PPARGC1A: variants seen among roughly 807,000 people sequenced by gnomAD.
PPARGC1A encodes the protein PPARG coactivator 1 alpha, also known as peroxisome proliferator-activated receptor gamma coactivator 1-alpha.
In PPARGC1A, 25 loss-of-function variants were observed where a neutral mutation model predicts 88.7. The observed-to-expected ratio is 0.28, with a 90% CI of 0.21 to 0.39. The LOEUF is 0.39. Among genes scored for constraint, PPARGC1A ranks in the 10% least tolerant of loss-of-function variants. The pLI is 1.00. For synonymous variants in PPARGC1A, 363 were observed against 355.6 expected, an observed-to-expected ratio of 1.02 and a Z score of -0.24; for missense variants, 880 against 968.7, an observed-to-expected ratio of 0.91 and a Z score of 1.22.
chr4:24,111,110 G>C, the PPARGC1A span, among the ~76,000 whole-genome samples: 1 of 152,084 alleles, frequency 6.6e-6, no homozygotes, highest in East Asian at 1.9e-4. Flanking sequence ...CATTGCCCTA[G>C]GGAGATTATT....
chr4:24,277,923 C>G, the PPARGC1A span, among the ~76,000 whole-genome samples: 3 of 152,012 alleles, frequency 2.0e-5, no homozygotes, highest in African/African-American at 7.2e-5. Context: ...ACCCGTAACC[C>G]CAGGGCTTTG....
At chr4:24,357,314 C>T in the PPARGC1A span, among the ~76,000 whole-genome samples, 1 of 152,230 alleles carries the variant, frequency 6.6e-6, no homozygotes, top group Non-Finnish European at 1.5e-5. Context: ...AGATGACCAA[C>T]AAATGGCACA....
At chr4:24,382,152 C>G in the PPARGC1A span, among the ~76,000 whole-genome samples, 1 of 110,826 alleles carries the variant, frequency 9.0e-6, no homozygotes, top group Non-Finnish European at 1.9e-5. Flanking sequence ...TAGAGAAAAC[C>G]TAAAAATTCA....
At chr4:24,055,799 A>T in the PPARGC1A span, among the ~76,000 whole-genome samples, 4 of 152,114 alleles carry the variant, frequency 2.6e-5, no homozygotes, top group African/African-American at 9.7e-5. Flanking sequence ...CAGGTAGGAA[A>T]GCATTGCTGT....
At chr4:24,029,901 G>A in the PPARGC1A span, among the ~76,000 whole-genome samples, 1 of 152,254 alleles carries the variant, frequency 6.6e-6, no homozygotes, top group South Asian at 2.1e-4. Context: ...AATTTGGGGG[G>A]ATGGCATATG....
the PPARGC1A span, among the ~76,000 whole-genome samples, chr4:24,413,240 A>ATTTT: frequency 0.069 from 9,665 of 140,976 alleles, 664 homozygotes; most frequent in African/African-American, 0.17. Flanking sequence ...GCCTGGCTTC[A>ATTTT]TTTTTTTTTT....
At chr4:23,831,488 C>T in intron 3 of PPARGC1A, 69 bp downstream of exon 3, 1 of 1,397,066 alleles carries the variant, frequency 7.2e-7, no homozygotes, top group South Asian at 1.2e-5. Context: ...ATTGTGACTA[C>T]ATCATACCCA....
At chr4:23,890,769 C>G (rs796935451), upstream of PPARGC1A, among the ~76,000 whole-genome samples, 1 of 151,918 alleles carries the variant, frequency 6.6e-6, no homozygotes, top group Non-Finnish European at 1.5e-5. Flanking sequence ...ATAAGGAGAA[C>G]AAGCCACAAA....
chr4:23,856,122 A>T (rs1469876236), intron 2 of PPARGC1A, among the ~76,000 whole-genome samples: 1 of 152,200 alleles, frequency 6.6e-6, no homozygotes. Flanking sequence ...CAAAGCTTGT[A>T]TATCTCCTAT....
At chr4:23,825,951 A>T (rs1723855154) in intron 5 of PPARGC1A, among the ~76,000 whole-genome samples, 1 of 152,216 alleles carries the variant, frequency 6.6e-6, no homozygotes, top group South Asian at 2.1e-4. Context: ...AATAATTAGG[A>T]TAATTCATAC....
At chr4:24,081,023 A>T in the PPARGC1A span, among the ~76,000 whole-genome samples, 2 of 152,116 alleles carry the variant, frequency 1.3e-5, no homozygotes, top group Non-Finnish European at 2.9e-5. Flanking sequence ...GAACATAGAC[A>T]TGAAGAGAAC....
chr4:24,048,052 C>T, the PPARGC1A span, among the ~76,000 whole-genome samples: 2 of 152,286 alleles, frequency 1.3e-5, no homozygotes, highest in African/African-American at 4.8e-5. Context: ...ATGAATGTCA[C>T]TCATGTTACA....
intron 7 of PPARGC1A, among the ~76,000 whole-genome samples, chr4:23,818,839 CTTTTTTTTTTTTTT>C (rs762478316): frequency 4.1e-5 from 2 of 49,004 alleles, no homozygotes; most frequent in South Asian, 1.1e-3. Context: ...CCAATGGCAT[CTTTTTTTTTTTTTT>C]TTTTTTTTTT....
chr4:24,252,336 A>G, the PPARGC1A span, among the ~76,000 whole-genome samples: 45 of 152,242 alleles, frequency 3.0e-4, no homozygotes, highest in South Asian at 6.2e-4. Context: ...GAGTTTAGGA[A>G]CCACGGCCTT....
the PPARGC1A span, among the ~76,000 whole-genome samples, chr4:23,945,715 A>G: frequency 6.6e-6 from 1 of 152,198 alleles, no homozygotes; most frequent in Non-Finnish European, 1.5e-5. Flanking sequence ...CCTGCCTTAT[A>G]GATCTGTCCA....
chr4:24,096,771 C>T, the PPARGC1A span, among the ~76,000 whole-genome samples: 1 of 152,098 alleles, frequency 6.6e-6, no homozygotes, highest in African/African-American at 2.4e-5. Flanking sequence ...CTGTTTTTCC[C>T]TCCAGATAAG....
chr4:23,874,785 G>T (rs755640415), intron 2 of PPARGC1A, among the ~76,000 whole-genome samples: 1 of 152,178 alleles, frequency 6.6e-6, no homozygotes, highest in Non-Finnish European at 1.5e-5. Context: ...CACAGCAACT[G>T]CTTTTGGTCA....
chr4:23,946,580 A>G, the PPARGC1A span, among the ~76,000 whole-genome samples: 17 of 152,234 alleles, frequency 1.1e-4, no homozygotes, highest in African/African-American at 4.1e-4. Flanking sequence ...ACTTGACAGT[A>G]GAATAATATT....
At chr4:24,215,514 CTG>C in the PPARGC1A span, among the ~76,000 whole-genome samples, 2 of 152,140 alleles carry the variant, frequency 1.3e-5, no homozygotes, top group Non-Finnish European at 2.9e-5. Flanking sequence ...CTTAATCACA[CTG>C]TGCTTGAGTT....
Sources: allele counts gnomAD v4.1 joint callset (sites outside exome capture counted in the v4.1 genomes callset), GRCh38; gene constraint gnomAD v4.1.1; transcripts MANE v1.5; gene names NCBI Gene and HGNC (gene_info 2026-07-23, HGNC 2026-07-21).